Variants in CNTN1 observed in about 807,000 individuals in gnomAD.
CNTN1 encodes contactin-1.
Under a neutral mutation model 126.4 loss-of-function variants are expected in CNTN1, and 38 were observed. The observed-to-expected ratio is 0.30, with a 90% CI of 0.23 to 0.39. The LOEUF (loss-of-function observed/expected upper bound fraction) is 0.39. Ranked by LOEUF, CNTN1 falls within the 10% of genes least tolerant of loss-of-function variation. The probability of loss-of-function intolerance (pLI) is 1.00; values close to 1 mark genes in which losing one functional copy is unlikely to be tolerated. For missense variants in CNTN1, 1,009 were observed against 1,248.4 expected, an observed-to-expected ratio of 0.81 and a Z score of 2.89; for synonymous variants, 413 against 422.6, an observed-to-expected ratio of 0.98 and a Z score of 0.28.
intron 1 of CNTN1, among the ~76,000 whole-genome samples, chr12:40,695,494 A>AAAATATGTCC (rs1941428243): frequency 6.6e-6 from 1 of 152,212 alleles, no homozygotes; most frequent in South Asian, 2.1e-4. Flanking sequence ...TTCTGTATAC[A>AAAATATGTCC]AAATATGTCC....
At chr12:40,885,673 G>A (rs564820869) in intron 1 of CNTN1, among the ~76,000 whole-genome samples, 3 of 151,974 alleles carry the variant, frequency 2.0e-5, no homozygotes, top group Non-Finnish European at 4.4e-5. Flanking sequence ...GTATGCATTA[G>A]CTATAATTTG....
At chr12:40,905,387 C>T (rs7139018) in intron 1 of CNTN1, among the ~76,000 whole-genome samples, 1 of 152,010 alleles carries the variant, frequency 6.6e-6, no homozygotes, top group Non-Finnish European at 1.5e-5. Context: ...ACAGAAATTG[C>T]TCTTAATTCT....
chr12:40,766,352 G>A (rs1211686589), intron 1 of CNTN1, among the ~76,000 whole-genome samples: 40 of 57,560 alleles, frequency 6.9e-4, no homozygotes, highest in South Asian at 2.0e-3. Context: ...ATGAAACTCC[G>A]TCTTAAAAAA....
chr12:41,033,297 G>A (rs181838792), intron 23 of CNTN1, among the ~76,000 whole-genome samples: 41 of 152,000 alleles, frequency 2.7e-4, no homozygotes, highest in Non-Finnish European at 5.0e-4. Flanking sequence ...TTCAAAAACC[G>A]TTTTTAATAA....
chr12:40,907,661 G>A (rs972333896), intron 1 of CNTN1, among the ~76,000 whole-genome samples: 2 of 152,246 alleles, frequency 1.3e-5, no homozygotes, highest in African/African-American at 2.4e-5. Context: ...CCTGAAAGAA[G>A]GCTCTCCAAA....
intron 1 of CNTN1, among the ~76,000 whole-genome samples, chr12:40,721,369 G>A (rs1357674701): frequency 6.6e-6 from 1 of 151,208 alleles, no homozygotes; most frequent in Non-Finnish European, 1.5e-5. Flanking sequence ...TTTTTTTCTA[G>A]GTTTTAAGGT....
At chr12:40,924,908 C>G (rs1277042552) in intron 6 of CNTN1, among the ~76,000 whole-genome samples, 1 of 64,170 alleles carries the variant, frequency 1.6e-5, no homozygotes, top group Non-Finnish European at 3.2e-5. Context: ...AGTATTATGT[C>G]ATCATTAAAG....
In CNTN1 at chr12:40,940,097, A is replaced by T. The variant is rs189434177; in HGVS notation, c.1379+612A>T. 2.0e-5 allele frequency among the ~76,000 whole-genome samples: 3 copies of T among 152,250 alleles called. No individual in the cohort carries two copies. In the East Asian group the frequency reaches 5.8e-4, roughly 29 times the overall value. On this transcript the variant is annotated intron_variant, in intron 12 of 23. Transcript: ENST00000551295. Reference sequence around the variant, plus strand: ...AATAGTTTATATGTATCCTAGAAGAAGTAATATTGAGTGCAAAAATTATGA... The same window carrying T: ...AATAGTTTATATGTATCCTAGAAGATGTAATATTGAGTGCAAAAATTATGA...
intron 19 of CNTN1, among the ~76,000 whole-genome samples, chr12:41,019,920 T>A (rs1176903151): frequency 6.6e-6 from 1 of 152,130 alleles, no homozygotes; most frequent in Non-Finnish European, 1.5e-5. Context: ...TAATATAGAG[T>A]TGACAGCTAA....
At chr12:40,899,852 T>A (rs1183814091) in intron 1 of CNTN1, among the ~76,000 whole-genome samples, 1 of 152,180 alleles carries the variant, frequency 6.6e-6, no homozygotes, top group Non-Finnish European at 1.5e-5. Flanking sequence ...ACTGACTTAT[T>A]GTTATGAAAA....
At position 41,023,307 on chromosome 12, in the gene CNTN1, A is replaced by G. The variant is rs188860526; in HGVS notation, c.2524-1843A>G. On this transcript the variant is annotated intron_variant, in intron 20 of 23. Transcript: ENST00000551295. ...CCTGACATTTCAAATGAGAATTGTGAGCAATTGAATTTAAAGACAATCTCT... is the reference window on the plus strand; with the variant it reads ...CCTGACATTTCAAATGAGAATTGTGGGCAATTGAATTTAAAGACAATCTCT... Among the ~76,000 whole-genome samples, 525 of 152,330 alleles carry G rather than the reference A, an allele frequency of 3.4e-3. 2 individuals are homozygous for G. Among genetic ancestry groups the G allele is most frequent in the African/African-American group, 0.012 (489 of 41,570 alleles).
At chr12:41,043,561 C>G (rs1949471201) in intron 23 of CNTN1, among the ~76,000 whole-genome samples, 1 of 152,094 alleles carries the variant, frequency 6.6e-6, no homozygotes, top group African/African-American at 2.4e-5. Flanking sequence ...GGACTGTAAA[C>G]TAGTTCAACC....
chr12:40,908,564 A>G, intron 2 of CNTN1, 71 bp downstream of exon 2: 3 of 1,143,142 alleles, frequency 2.6e-6, no homozygotes, highest in Non-Finnish European at 3.9e-6. Flanking sequence ...TATTAAATGT[A>G]TTGTATGAAG....
chr12:41,066,563 T>C (rs1267739591), intron 23 of CNTN1, among the ~76,000 whole-genome samples: 1 of 152,214 alleles, frequency 6.6e-6, no homozygotes, highest in Non-Finnish European at 1.5e-5. Flanking sequence ...TATAGAGATA[T>C]TAGCAGTTGT....
chr12:40,978,576 A>G (rs935101), intron 15 of CNTN1, among the ~76,000 whole-genome samples: 100,087 of 151,918 alleles, frequency 0.66, 33,089 homozygotes, highest in Middle Eastern at 0.69. Flanking sequence ...ACCTACCATA[A>G]GCCAGACATG....
At chr12:40,712,473 C>T in intron 1 of CNTN1, among the ~76,000 whole-genome samples, 1 of 151,690 alleles carries the variant, frequency 6.6e-6, no homozygotes, top group Non-Finnish European at 1.5e-5. Context: ...ATGCTTGGTT[C>T]TTATACTCTG....
intron 7 of CNTN1, among the ~76,000 whole-genome samples, chr12:40,932,322 G>A (rs1270259934): frequency 6.6e-6 from 1 of 151,882 alleles, no homozygotes; most frequent in Non-Finnish European, 1.5e-5. Flanking sequence ...GAGTTCCCCT[G>A]CACATGCTGT....
intron 1 of CNTN1, among the ~76,000 whole-genome samples, chr12:40,739,367 A>G (rs887220706): frequency 6.6e-6 from 1 of 152,098 alleles, no homozygotes; most frequent in Non-Finnish European, 1.5e-5. Context: ...ATGCAAAACA[A>G]TCCTCTAAAA....
intron 1 of CNTN1, among the ~76,000 whole-genome samples, chr12:40,799,278 A>G (rs1368697794): frequency 6.6e-6 from 1 of 151,432 alleles, no homozygotes; most frequent in Admixed American, 6.6e-5. Flanking sequence ...TCTATTATTG[A>G]GTAATTATTT....
Sources: allele counts gnomAD v4.1 joint callset (sites outside exome capture counted in the v4.1 genomes callset), GRCh38; gene constraint gnomAD v4.1.1; transcripts MANE v1.5; gene names NCBI Gene and HGNC (gene_info 2026-07-23, HGNC 2026-07-21).